The following GPATCH8 variants were observed in gnomAD, a reference collection of about 807,000 sequenced individuals.
The protein encoded by GPATCH8 is G-patch domain containing 8.
GPATCH8 carries 18 observed loss-of-function variants against 118.3 expected under a neutral mutation model. The observed-to-expected ratio is 0.15, with a 90% CI of 0.11 to 0.23. GPATCH8 has a LOEUF of 0.23. GPATCH8 is among the 10% of genes least tolerant of loss of function. The pLI is 1.00. For missense variants in GPATCH8, 1,631 were observed against 1,873.8 expected (o/e 0.87, Z 2.39); for synonymous variants, 659 against 684.7 (o/e 0.96, Z 0.59).
At chr17:44,472,659 T>TA (rs1170842574) in intron 2 of GPATCH8, among the ~76,000 whole-genome samples, 1 of 152,138 alleles carries the variant, frequency 6.6e-6, no homozygotes, top group African/African-American at 2.4e-5. Flanking sequence ...AGCTCTGTCT[T>TA]AAACTTAGAC....
chr17:44,483,202 T>C (rs1342222156), intron 1 of GPATCH8, among the ~76,000 whole-genome samples: 4 of 75,116 alleles, frequency 5.3e-5, no homozygotes, highest in African/African-American at 2.0e-4. Context: ...TATATATATA[T>C]ATATATATAT....
chr17:44,396,513 T>G lies in GPATCH8; in HGVS notation c.*1055A>C, dbSNP rs1436489773. 1.1e-5 allele frequency: 5 copies of G among 452,794 alleles called. No individual in the cohort carries two copies. The Admixed American group carries it at 1.2e-4, about 11-fold the overall frequency. The allele number at this position is 452,794 out of a possible 1,614,324, so 28.0% of individuals were successfully genotyped here. Reference sequence around the variant, plus strand: ...ATAGTTCATAACTTCAAAAAATACATAAGTTTGGTAAAATATACATGCTTA... The same window carrying G: ...ATAGTTCATAACTTCAAAAAATACAGAAGTTTGGTAAAATATACATGCTTA... On this transcript the variant is annotated 3_prime_UTR_variant, in exon 8 of 8. Transcript: ENST00000591680.
At chr17:44,480,635 G>A (rs570652054) in intron 1 of GPATCH8, among the ~76,000 whole-genome samples, 207 of 151,202 alleles carry the variant, frequency 1.4e-3, no homozygotes, top group African/African-American at 4.3e-3. Flanking sequence ...CAGGAGAATC[G>A]CTTGAACCCG....
intron 6 of GPATCH8, among the ~76,000 whole-genome samples, chr17:44,411,999 C>T (rs1263767403): frequency 2.6e-5 from 4 of 152,084 alleles, no homozygotes; most frequent in Admixed American, 1.3e-4. Flanking sequence ...CTCAGCTCAC[C>T]GCAACCTCTG....
At chr17:44,437,821 A>C (rs1191810916) in intron 3 of GPATCH8, among the ~76,000 whole-genome samples, 1 of 152,084 alleles carries the variant, frequency 6.6e-6, no homozygotes, top group Non-Finnish European at 1.5e-5. Flanking sequence ...ACAAATTCAT[A>C]AGTTTAACTA....
In GPATCH8 at chr17:44,399,606, G is replaced by A. The variant is rs1304818700; in HGVS notation, c.2471C>T (p.Ser824Phe). The change falls in exon 8 of 8, where the codon TCC becomes TTC. Residue 824 changes from serine (S) to phenylalanine (F), a missense_variant. Coordinates refer to ENST00000591680, the MANE Select transcript of GPATCH8 (RefSeq NM_001002909.4). The stretch of plus-strand genomic sequence containing the variant: ...AGACTTCTGGTGCAGCCGGTGTGAG[G>A]AAGCATCATCACTATCCTCATCTCC... ...SSGDEDSDDA[S>F]SHRLHQKSPS... is the part of the protein sequence containing the mutation. 1 of 1,614,214 alleles carries A rather than the reference G, an allele frequency of 6.2e-7. No homozygotes were observed. The highest frequency in any genetic ancestry group is 1.1e-5 in the South Asian group (1 of 91,086).
At chr17:44,414,141 A>ATGTGTATATATATGTGTATATATATATG (rs1567955770) in intron 6 of GPATCH8, among the ~76,000 whole-genome samples, 1 of 133,300 alleles carries the variant, frequency 7.5e-6, no homozygotes, top group Non-Finnish European at 1.5e-5. Flanking sequence ...ATATATATAT[A>ATGTGTATATATATGTGTATATATATATG]TGTGTATATA....
chr17:44,458,187 G>A (rs371378984), intron 3 of GPATCH8, among the ~76,000 whole-genome samples: 1 of 150,744 alleles, frequency 6.6e-6, no homozygotes, highest in Admixed American at 6.6e-5. Flanking sequence ...GGAGATCAAG[G>A]CTGCAGTGAG....
chr17:44,429,235 T>C (rs1267362675), intron 5 of GPATCH8, among the ~76,000 whole-genome samples: 2 of 152,136 alleles, frequency 1.3e-5, no homozygotes, highest in African/African-American at 4.8e-5. Context: ...ACAACATATA[T>C]CAACACAGTA....
At chr17:44,435,531 A>C (rs953857086) in intron 4 of GPATCH8, among the ~76,000 whole-genome samples, 3 of 145,278 alleles carry the variant, frequency 2.1e-5, no homozygotes, top group South Asian at 2.2e-4. Context: ...CTCCTGCCTC[A>C]GCCTCCTGAG....
chr17:44,455,495 T>C (rs1188835731), intron 3 of GPATCH8, among the ~76,000 whole-genome samples: 1 of 150,526 alleles, frequency 6.6e-6, no homozygotes, highest in African/African-American at 2.4e-5. Context: ...AGTGAAACTC[T>C]ATCTCAAAAA....
intron 6 of GPATCH8, among the ~76,000 whole-genome samples, chr17:44,420,738 T>C (rs747069754): frequency 3.9e-5 from 6 of 152,182 alleles, no homozygotes; most frequent in Non-Finnish European, 7.3e-5. Context: ...TAAAACATTA[T>C]CATACAACAC....
At chr17:44,414,145 G>GTGTATATATATGTGTA (rs1207516563) in intron 6 of GPATCH8, among the ~76,000 whole-genome samples, 2 of 29,430 alleles carry the variant, frequency 6.8e-5, no homozygotes, top group East Asian at 8.3e-4. Flanking sequence ...ATATATATGT[G>GTGTATATATATGTGTA]TATATATATA....
rs1216826095 is a variant in GPATCH8, at chr17:44,396,158, T to C, written c.*1410A>G. On this transcript the variant is annotated 3_prime_UTR_variant, in exon 8 of 8. Transcript: ENST00000591680. ...CCCAAAAGGCACATTAAAAAAAAAA[T>C]TGTCAGAGGGGGCTAAGTACTAGGA... The C allele has an allele frequency of 2.2e-6, 1 of 454,110 alleles. No homozygotes were observed. Among genetic ancestry groups the C allele is most frequent in the Admixed American group, 2.4e-5 (1 of 42,516 alleles). 28.1% of individuals were successfully genotyped at this position (454,110 alleles called of 1,614,324 possible). A position where few individuals can be genotyped will look rare whatever the true frequency, so the allele number is the denominator to read the frequency against.
intron 6 of GPATCH8, among the ~76,000 whole-genome samples, chr17:44,412,931 C>T (rs2049502408): frequency 6.6e-6 from 1 of 152,172 alleles, no homozygotes; most frequent in South Asian, 2.1e-4. Context: ...GTTGCTTGCC[C>T]GGGTCACCCT....
chr17:44,490,932 T>C (rs1424837558), intron 1 of GPATCH8, among the ~76,000 whole-genome samples: 2 of 152,224 alleles, frequency 1.3e-5, no homozygotes, highest in Non-Finnish European at 2.9e-5. Context: ...AGACAGGAAT[T>C]GCCTTAAATT....
At position 44,399,517 on chromosome 17, in the gene GPATCH8, A is replaced by G. The variant is rs759930837; in HGVS notation, c.2560T>C (p.Ser854Pro). The G allele has an allele frequency of 6.2e-7, 1 of 1,613,736 alleles. No homozygotes were observed. The highest frequency in any genetic ancestry group is 8.5e-7 in the Non-Finnish European group (1 of 1,179,948). Residue 854 changes from serine to proline, a missense_variant, in exon 8 of 8, where the codon TCA becomes CCA. Transcript: ENST00000591680. The part of the protein sequence containing the change: ...DSGSEHSRSR[S>P]RSGRRHSSHR... ...GAGGAATGGCGCCGGCCAGACCTTG[A>G]GCGGCTGCGGGAATGCTCACTGCCT... is the stretch of plus-strand genomic sequence containing the variant.
intron 6 of GPATCH8, among the ~76,000 whole-genome samples, chr17:44,414,058 CAT>C (rs3065774): frequency 0.013 from 1,772 of 138,312 alleles, 31 homozygotes; most frequent in Middle Eastern, 0.029. Context: ...TGCTTTAAGG[CAT>C]ATATATATAT....
intron 1 of GPATCH8, among the ~76,000 whole-genome samples, chr17:44,499,246 C>T (rs1018541612): frequency 2.0e-5 from 3 of 152,144 alleles, no homozygotes; most frequent in African/African-American, 7.2e-5. Flanking sequence ...GTGGGTGGAT[C>T]ACCTGAGGTC....
Sources: allele counts gnomAD v4.1 joint callset (sites outside exome capture counted in the v4.1 genomes callset), GRCh38; gene constraint gnomAD v4.1.1; transcripts MANE v1.5; gene names NCBI Gene and HGNC (gene_info 2026-07-23, HGNC 2026-07-21).